Variants in VTI1A observed in about 807,000 individuals in gnomAD.
The protein encoded by VTI1A is vesicle transport through interaction with t-SNAREs homolog 1A.
VTI1A carries 22 observed loss-of-function variants against 34.9 expected under a neutral mutation model. That is an observed-to-expected ratio of 0.63 (90% CI 0.45 to 0.90). The LOEUF is 0.90. VTI1A is among the 40% of genes least tolerant of loss of function. The probability of loss-of-function intolerance (pLI) is 0.00; values close to 1 mark genes in which losing one functional copy is unlikely to be tolerated. For missense variants in VTI1A, 268 were observed against 275.6 expected, an observed-to-expected ratio of 0.97 and a Z score of 0.20; for synonymous variants, 87 against 97.3, an observed-to-expected ratio of 0.89 and a Z score of 0.62.
At chr10:112,461,318 C>T (rs1847720191) in intron 2 of VTI1A, among the ~76,000 whole-genome samples, 1 of 152,200 alleles carries the variant, frequency 6.6e-6, no homozygotes, top group African/African-American at 2.4e-5. Context: ...GAGCTCCCCG[C>T]AAACCCAATC....
intron 5 of VTI1A, among the ~76,000 whole-genome samples, chr10:112,570,675 G>A (rs533090264): frequency 4.6e-5 from 7 of 152,300 alleles, no homozygotes; most frequent in East Asian, 1.9e-4. Context: ...CATACATCTC[G>A]GAAGAGGCTA....
intron 5 of VTI1A, among the ~76,000 whole-genome samples, chr10:112,661,361 C>A (rs1847442703): frequency 1.3e-5 from 2 of 152,324 alleles, no homozygotes; most frequent in African/African-American, 4.8e-5. Context: ...AGTGATTCAC[C>A]CACCTCAACC....
chr10:112,774,941 C>T (rs1590173164), intron 7 of VTI1A, among the ~76,000 whole-genome samples: 1 of 152,254 alleles, frequency 6.6e-6, no homozygotes, highest in South Asian at 2.1e-4. Context: ...TGACATATCC[C>T]AGGCTAGACC....
At chr10:112,663,781 G>T (rs555152507) in intron 5 of VTI1A, among the ~76,000 whole-genome samples, 1 of 152,120 alleles carries the variant, frequency 6.6e-6, no homozygotes, top group African/African-American at 2.4e-5. Flanking sequence ...GAAGCAGCAC[G>T]TTTTCTACCT....
At chr10:112,499,799 C>T (rs1245127311) in intron 3 of VTI1A, among the ~76,000 whole-genome samples, 1 of 152,180 alleles carries the variant, frequency 6.6e-6, no homozygotes, top group African/African-American at 2.4e-5. Context: ...CTTACCCTCA[C>T]CCCCACTACG....
At position 112,736,987 on chromosome 10, in the gene VTI1A, C is replaced by T. The variant is rs1850504375; in HGVS notation, c.560+67989C>T. 1.2e-5 allele frequency: 7 copies of T among 578,484 alleles called. No individual in the cohort carries two copies. The Admixed American group carries it at 1.5e-4, about 12-fold the overall frequency. 35.8% of individuals were successfully genotyped at this position (578,484 alleles called of 1,614,324 possible). Reference sequence around the variant, plus strand: ...TGTGGTTCTGGGTGATTTATCTGGTCCCTTCCCATCCCAGAGCTTTATGAT... The same window carrying T: ...TGTGGTTCTGGGTGATTTATCTGGTTCCTTCCCATCCCAGAGCTTTATGAT... On this transcript the variant is annotated intron_variant, in intron 7 of 7. Transcript: ENST00000393077.
At chr10:112,669,294 C>T (rs1233509282) in intron 7 of VTI1A, among the ~76,000 whole-genome samples, 6 of 152,126 alleles carry the variant, frequency 3.9e-5, no homozygotes, top group Non-Finnish European at 8.8e-5. Flanking sequence ...TGGGCAGCAG[C>T]AGGCTGATTT....
chr10:112,625,868 A>G (rs1357445112), intron 5 of VTI1A, among the ~76,000 whole-genome samples: 1 of 152,110 alleles, frequency 6.6e-6, no homozygotes, highest in African/African-American at 2.4e-5. Context: ...TACTCAGGTA[A>G]CCAAACACTA....
At chr10:112,687,705 C>T (rs1202634429) in intron 7 of VTI1A, among the ~76,000 whole-genome samples, 1 of 152,034 alleles carries the variant, frequency 6.6e-6, no homozygotes, top group Non-Finnish European at 1.5e-5. Flanking sequence ...ACAACTGCCT[C>T]GTTGATCAAG....
intron 7 of VTI1A, among the ~76,000 whole-genome samples, chr10:112,675,480 T>C (rs1435519378): frequency 2.6e-5 from 4 of 152,132 alleles, no homozygotes; most frequent in African/African-American, 7.2e-5. Flanking sequence ...GATTCCACCA[T>C]TGAGGGTGGG....
intron 5 of VTI1A, among the ~76,000 whole-genome samples, chr10:112,607,519 C>T (rs182366856): frequency 1.5e-3 from 225 of 152,262 alleles, no homozygotes; most frequent in Admixed American, 3.7e-3. Context: ...CAGTGCCTGG[C>T]CTAAAATGGG....
chr10:112,718,823 A>G (rs551650389), intron 7 of VTI1A, among the ~76,000 whole-genome samples: 23 of 152,254 alleles, frequency 1.5e-4, no homozygotes, highest in Admixed American at 2.0e-4. Context: ...ATTTCAACAC[A>G]GTAAAATTGC....
intron 5 of VTI1A, among the ~76,000 whole-genome samples, chr10:112,597,290 T>A (rs1844687961): frequency 6.6e-6 from 1 of 152,192 alleles, no homozygotes; most frequent in Non-Finnish European, 1.5e-5. Flanking sequence ...CGGTCTCGGC[T>A]CATCGCCACC....
Position 112,540,867 on chromosome 10 carries a change from G to C in VTI1A, c.427+2537G>C, listed in dbSNP as rs545687636. Among the ~76,000 whole-genome samples the C allele has an allele frequency of 1.1e-4, 16 of 152,296 alleles. No individual in the cohort carries two copies. The East Asian group carries it at 2.1e-3, about 20-fold the overall frequency. On this transcript the variant is annotated intron_variant, in intron 5 of 7. Transcript: ENST00000393077. Reference sequence around the variant, plus strand: ...AGACTATGGAATGCAAGGAGGAAGAGAGGTGGAAGAACTAGTATAACTTTT... The same window carrying C: ...AGACTATGGAATGCAAGGAGGAAGACAGGTGGAAGAACTAGTATAACTTTT...
chr10:112,515,001 CT>C (rs1157995320), intron 3 of VTI1A, among the ~76,000 whole-genome samples: 2 of 151,828 alleles, frequency 1.3e-5, no homozygotes, highest in Non-Finnish European at 2.9e-5. Context: ...GCACTAAATT[CT>C]TATCTAATTT....
In VTI1A at chr10:112,668,291, A is replaced by G; in HGVS notation, c.498+3A>G. 1 of 1,611,876 alleles carries G rather than the reference A, an allele frequency of 6.2e-7. No homozygotes were observed. The highest frequency in any genetic ancestry group is 8.5e-7 in the Non-Finnish European group (1 of 1,178,586). ...AGATACAGCGAGCACGTGAAAGAGTAAGTACAATTGATACAGTTTTTTCAC... is the reference window on the plus strand; with the variant it reads ...AGATACAGCGAGCACGTGAAAGAGTGAGTACAATTGATACAGTTTTTTCAC... On this transcript the variant is annotated splice_donor_region_variant and intron_variant, in intron 6 of 7. Coordinates refer to ENST00000393077, the MANE Select transcript of VTI1A (RefSeq NM_145206.4).
At chr10:112,454,588 C>A (rs139782986) in intron 1 of VTI1A, among the ~76,000 whole-genome samples, 1 of 151,714 alleles carries the variant, frequency 6.6e-6, no homozygotes, top group Non-Finnish European at 1.5e-5. Flanking sequence ...GGTGACAGAG[C>A]GAGATCTTGT....
intron 7 of VTI1A, among the ~76,000 whole-genome samples, chr10:112,674,799 A>T (rs1847971475): frequency 1.3e-5 from 2 of 152,202 alleles, no homozygotes; most frequent in Non-Finnish European, 2.9e-5. Context: ...CAGAATTAGG[A>T]TGTGAACTTA....
At chr10:112,637,876 C>T (rs943839975) in intron 5 of VTI1A, among the ~76,000 whole-genome samples, 7 of 152,008 alleles carry the variant, frequency 4.6e-5, no homozygotes, top group African/African-American at 9.7e-5. Flanking sequence ...AATGGTAGTA[C>T]GAAAAAATTG....
Sources: allele counts gnomAD v4.1 joint callset (sites outside exome capture counted in the v4.1 genomes callset), GRCh38; gene constraint gnomAD v4.1.1; transcripts MANE v1.5; gene names NCBI Gene and HGNC (gene_info 2026-07-23, HGNC 2026-07-21).